PCDHGA7: variants seen among roughly 807,000 people sequenced by gnomAD.
The protein encoded by PCDHGA7 is protocadherin gamma-A7.
In PCDHGA7, 44 loss-of-function variants were observed where a neutral mutation model predicts 58.3. That is an observed-to-expected ratio of 0.75 (90% CI 0.59 to 0.97). The LOEUF (loss-of-function observed/expected upper bound fraction) is 0.97. PCDHGA7 is among the 50% of genes least tolerant of loss of function. The pLI is 0.00. For synonymous variants in PCDHGA7, 516 were observed against 504.2 expected, an observed-to-expected ratio of 1.02 and a Z score of -0.31; for missense variants, 1,266 against 1,188.7, an observed-to-expected ratio of 1.06 and a Z score of -0.96.
In PCDHGA7 at chr5:141,505,470, C is replaced by T. The variant is rs1241228956; in HGVS notation, c.2561C>T (p.Ala854Val). Reference protein sequence around the residue: ...DTEMLQAMILASASEAADGSS... With the variant: ...DTEMLQAMILVSASEAADGSS... ...GAGATGCTGCAAGCCATGATCTTGG[C>T]GTCCGCCAGTGGTAAGTGGTGTCAG... The change falls in exon 3 of 4, where the codon GCG becomes GTG. Residue 854 changes from alanine (A) to valine (V), a missense_variant. By Grantham distance (64) the Ala-to-Val change is moderately conservative. Transcript: ENST00000518325. 2 of 1,614,068 alleles carry T rather than the reference C, an allele frequency of 1.2e-6. No individual in the cohort carries two copies. Among genetic ancestry groups the T allele is most frequent in the Non-Finnish European group, 8.5e-7 (1 of 1,180,010 alleles).
At chr5:141,498,709 A>G (rs1245852373) in intron 2 of PCDHGA7, among the ~76,000 whole-genome samples, 2 of 152,148 alleles carry the variant, frequency 1.3e-5, no homozygotes, top group African/African-American at 4.8e-5. Context: ...AGGTGGGTGG[A>G]TCACCTGAGG....
Position 141,431,547 on chromosome 5 carries a change from T to C in PCDHGA7, c.2424+46224T>C. On this transcript the variant is annotated intron_variant, in intron 1 of 3. Transcript: ENST00000518325. The surrounding 1 kb of genome is among the most constrained non-coding windows in gnomAD (Gnocchi z 4.8). ...CTGGCCTTGGGCACGCAGCTGCTTG[T>C]AGTCAACGCTACCGACCCTGACGAA... The C allele has an allele frequency of 1.2e-6, 2 of 1,614,096 alleles. No homozygotes were observed. The highest frequency in any genetic ancestry group is 2.2e-5 in the East Asian group (1 of 44,882).
Position 141,422,436 on chromosome 5 carries a change from C to T in PCDHGA7, c.2424+37113C>T, listed in dbSNP as rs200737047. The T allele has an allele frequency of 1.2e-5, 20 of 1,609,634 alleles. No homozygotes were observed. The East Asian group carries it at 4.0e-4, about 32-fold the overall frequency. On this transcript the variant is annotated intron_variant, in intron 1 of 3. Coordinates refer to ENST00000518325, the MANE Select transcript of PCDHGA7 (RefSeq NM_018920.4). The stretch of plus-strand genomic sequence containing the variant: ...TAGAAAAGACTTATGGAAATTATTA[C>T]AAATTGATAACAAGCAGAGTGCTGG...
At chr5:141,482,234 A>G (rs11748256) in intron 1 of PCDHGA7, among the ~76,000 whole-genome samples, 44,758 of 152,044 alleles carry the variant, frequency 0.29, 7,110 homozygotes, top group African/African-American at 0.42. Context: ...GAAATTGCCA[A>G]TATAAGTATA....
chr5:141,469,112 A>T (rs1207790108), intron 1 of PCDHGA7, among the ~76,000 whole-genome samples: 1 of 151,698 alleles, frequency 6.6e-6, no homozygotes, highest in African/African-American at 2.4e-5. Flanking sequence ...ACCTGTCTCT[A>T]AAAAAATTTA....
intron 1 of PCDHGA7, chr5:141,399,366 G>A (rs1390489498): frequency 3.7e-6 from 6 of 1,613,850 alleles, no homozygotes; most frequent in Middle Eastern, 3.3e-4. Flanking sequence ...AAACCCCGGA[G>A]TACAATGTCA....
chr5:141,448,496 G>A (rs1277705943), intron 1 of PCDHGA7, among the ~76,000 whole-genome samples: 1 of 152,024 alleles, frequency 6.6e-6, no homozygotes, highest in Non-Finnish European at 1.5e-5. Flanking sequence ...GTCCCCTGTA[G>A]GTAAACATTT....
chr5:141,415,427 G>C, intron 1 of PCDHGA7: 3 of 1,614,188 alleles, frequency 1.9e-6, no homozygotes, highest in Non-Finnish European at 2.5e-6. Flanking sequence ...GACGGGGTTC[G>C]GGCTTTCCTG....
At chr5:141,414,151 G>T in intron 1 of PCDHGA7, 2 of 1,600,336 alleles carry the variant, frequency 1.2e-6, no homozygotes, top group East Asian at 2.3e-5. Flanking sequence ...AATACAAGCA[G>T]AAGATGGAGG....
intron 1 of PCDHGA7, among the ~76,000 whole-genome samples, chr5:141,454,703 A>C (rs933041937): frequency 1.3e-5 from 2 of 150,198 alleles, no homozygotes; most frequent in African/African-American, 4.9e-5. Flanking sequence ...ACCATGCTCC[A>C]CCTGCTTATT....
At position 141,389,005 on chromosome 5, in the gene PCDHGA7, C is replaced by T. The variant is rs757594459; in HGVS notation, c.2424+3682C>T. 81 of 1,613,780 alleles carry T rather than the reference C, an allele frequency of 5.0e-5. No individual in the cohort carries two copies. Among genetic ancestry groups the T allele is most frequent in the Non-Finnish European group, 6.7e-5 (79 of 1,179,858 alleles). On this transcript the variant is annotated intron_variant, in intron 1 of 3. Transcript: ENST00000518325. The stretch of plus-strand genomic sequence containing the variant: ...TTGCTCAAAGTCCGTGACAAGGATT[C>T]CAGACACAATGGAGAAGTGACTTGT...
intron 1 of PCDHGA7, chr5:141,389,423 C>T: frequency 1.9e-6 from 3 of 1,613,516 alleles, no homozygotes; most frequent in Admixed American, 1.7e-5. Context: ...GGGTGGTGTT[C>T]GCGCAGCGCG....
Position 141,420,101 on chromosome 5 carries a change from T to A in PCDHGA7, c.2424+34778T>A. 5 of 1,614,046 alleles carry A rather than the reference T, an allele frequency of 3.1e-6. No homozygotes were observed. Among genetic ancestry groups the A allele is most frequent in the Non-Finnish European group, 4.2e-6 (5 of 1,179,870 alleles). ...TCCCCCCAACTACAGTGAGGGAACGTTGCCCTATGCCTATAATTTTTGTGT... is the reference window on the plus strand; with the variant it reads ...TCCCCCCAACTACAGTGAGGGAACGATGCCCTATGCCTATAATTTTTGTGT... On this transcript the variant is annotated intron_variant, in intron 1 of 3. Transcript: ENST00000518325.
rs1488506612 is a variant in PCDHGA7 at position 141,395,336 on chromosome 5, T to G, written c.2424+10013T>G. ...TTGTGAAGATAGTTGAAAATAATTTTTAAGGTGTATCACAGAGTTTTGGGT... is the reference window on the plus strand; with the variant it reads ...TTGTGAAGATAGTTGAAAATAATTTGTAAGGTGTATCACAGAGTTTTGGGT... On this transcript the variant is annotated intron_variant, in intron 1 of 3. Coordinates refer to ENST00000518325, the MANE Select transcript of PCDHGA7 (RefSeq NM_018920.4). 5 of 1,435,024 alleles carry G rather than the reference T, an allele frequency of 3.5e-6. No homozygotes were observed. In the African/African-American group the frequency reaches 4.3e-5, roughly 12 times the overall value. The allele number at this position is 1,435,024 out of a possible 1,614,324, so 88.9% of individuals were successfully genotyped here. A position where few individuals can be genotyped will look rare whatever the true frequency, so the allele number is the denominator to read the frequency against.
At position 141,486,257 on chromosome 5, in the gene PCDHGA7, A is replaced by C; in HGVS notation, c.2425-8550A>C. 6.2e-7 allele frequency: 1 copy of C among 1,614,032 alleles called. No individual in the cohort carries two copies. The highest frequency in any genetic ancestry group is 8.5e-7 in the Non-Finnish European group (1 of 1,179,982). On this transcript the variant is annotated intron_variant, in intron 1 of 3. Transcript: ENST00000518325. The surrounding 1 kb of genome is among the most constrained non-coding windows in gnomAD (Gnocchi z 5.0). ...CTCAGAGCTTGGAACCCTCCCCGAG[A>C]GTGCAGAACCTGGCACTGTGGTGGC... is the stretch of plus-strand genomic sequence containing the variant.
chr5:141,437,217 T>G (rs2097868672), intron 1 of PCDHGA7, among the ~76,000 whole-genome samples: 1 of 152,230 alleles, frequency 6.6e-6, no homozygotes, highest in Admixed American at 6.5e-5. Flanking sequence ...TTATTCTGAT[T>G]CCAGTCATAA....
In PCDHGA7 at chr5:141,489,459, C is replaced by A; in HGVS notation, c.2425-5348C>A. ...AATTGGGCTCTGAGGAGAATGGGCG[C>A]TATTTTTCCCTGAGCTTGATGAGTG... On this transcript the variant is annotated intron_variant, in intron 1 of 3. Transcript: ENST00000518325. The surrounding 1 kb of genome is among the most constrained non-coding windows in gnomAD (Gnocchi z 4.5). 1 of 1,614,086 alleles carries A rather than the reference C, an allele frequency of 6.2e-7. No individual in the cohort carries two copies. The highest frequency in any genetic ancestry group is 8.5e-7 in the Non-Finnish European group (1 of 1,180,012).
chr5:141,497,829 C>T (rs754594104), intron 2 of PCDHGA7, among the ~76,000 whole-genome samples: 147 of 152,160 alleles, frequency 9.7e-4, no homozygotes, highest in Non-Finnish European at 1.8e-3. Flanking sequence ...TGTGATCGCC[C>T]CCGGCCACAA....
rs768938171 is a variant in PCDHGA7 at position 141,487,276 on chromosome 5, C to T, written c.2425-7531C>T. ...TGGCTGTGTCCCTAGTGGCAATTTG[C>T]TTTGTCTCCTTTGGCTCATTCGTGG... On this transcript the variant is annotated intron_variant, in intron 1 of 3. Transcript: ENST00000518325. The surrounding 1 kb of genome is among the most constrained non-coding windows in gnomAD (Gnocchi z 5.0). The T allele has an allele frequency of 2.5e-6, 4 of 1,614,158 alleles. No homozygotes were observed. The East Asian group carries it at 8.9e-5, about 36-fold the overall frequency.
Sources: gnomAD v4.1 joint callset for allele counts (sites outside exome capture counted in the v4.1 genomes callset) on GRCh38, gnomAD v4.1.1 for gene constraint, Gnocchi (gnomAD v3.1) non-coding constraint, MANE v1.5 for transcripts, NCBI Gene and HGNC (gene_info 2026-07-23, HGNC 2026-07-21) for gene names.